The following TBL1XR1 variants were observed in gnomAD, a reference collection of about 807,000 sequenced individuals.
TBL1XR1 encodes TBL1X/Y related 1.
In TBL1XR1, 5 loss-of-function variants were observed where a neutral mutation model predicts 66.9. The observed-to-expected ratio is 0.07, with a 90% CI of 0.04 to 0.16. The LOEUF (loss-of-function observed/expected upper bound fraction) is 0.16. Among genes scored for constraint, TBL1XR1 ranks in the 10% least tolerant of loss-of-function variants. The probability of loss-of-function intolerance (pLI) is 1.00; values close to 1 mark genes in which losing one functional copy is unlikely to be tolerated. For synonymous variants in TBL1XR1, 210 were observed against 206.0 expected, an observed-to-expected ratio of 1.02 and a Z score of -0.17; for missense variants, 238 against 623.2, an observed-to-expected ratio of 0.38 and a Z score of 6.58.
intron 1 of TBL1XR1, among the ~76,000 whole-genome samples, chr3:177,187,390 C>CA (rs57592940): frequency 0.12 from 8,465 of 68,160 alleles, 803 homozygotes; most frequent in East Asian, 0.56. Context: ...GACTCTATCT[C>CA]AAAAAAAAAA....
At chr3:177,050,381 A>T (rs1186219449) in intron 6 of TBL1XR1, 97 bp downstream of exon 6, 2 of 1,452,048 alleles carry the variant, frequency 1.4e-6, no homozygotes, top group East Asian at 2.5e-5. Context: ...AAATGGCCAC[A>T]ACTAAGCAAC....
At chr3:177,138,369 A>C (rs2108810768) in intron 1 of TBL1XR1, among the ~76,000 whole-genome samples, 1 of 152,150 alleles carries the variant, frequency 6.6e-6, no homozygotes, top group East Asian at 1.9e-4. Flanking sequence ...CCGAGGTGGG[A>C]GAACTGATTG....
chr3:177,025,841 T>A, intron 15 of TBL1XR1: 2 of 359,020 alleles, frequency 5.6e-6, no homozygotes, highest in Non-Finnish European at 1.0e-5. Flanking sequence ...ATGAAAGATA[T>A]CACAGATTAT....
intron 1 of TBL1XR1, among the ~76,000 whole-genome samples, chr3:177,173,670 GAA>G (rs1733826859): frequency 6.6e-6 from 1 of 151,938 alleles, no homozygotes; most frequent in African/African-American, 2.4e-5. Context: ...TATTGGAACA[GAA>G]AAAAAGACAT....
chr3:177,085,927 G>A (rs1417645867), intron 2 of TBL1XR1, among the ~76,000 whole-genome samples: 1 of 151,996 alleles, frequency 6.6e-6, no homozygotes, highest in African/African-American at 2.4e-5. Context: ...ATGAGATAAT[G>A]GTTCAATTCT....
chr3:177,049,997 A>G lies in TBL1XR1; in HGVS notation c.702T>C (p.Asn234=). 2.5e-6 allele frequency: 4 copies of G among 1,613,330 alleles called. No homozygotes were observed. The highest frequency in any genetic ancestry group is 2.5e-6 in the Non-Finnish European group (3 of 1,179,680). Residue 234 remains asparagine (N), a splice_region_variant and synonymous_variant, in exon 7 of 16, where the codon AAT becomes AAC. Transcript: ENST00000457928. ...CCATCATGGATATAGTGATACTCAC[A>G]TTCCAATCTAGAGATGTGACATCCT... ...SNKDVTSLDW[N]SEGTLLATGS...
chr3:177,166,640 G>T (rs546961356), intron 1 of TBL1XR1, among the ~76,000 whole-genome samples: 4 of 152,252 alleles, frequency 2.6e-5, no homozygotes, highest in Admixed American at 1.3e-4. Context: ...TGCCATGATT[G>T]TAAGTTTCCT....
chr3:177,149,183 G>A (rs2108846358), intron 1 of TBL1XR1, among the ~76,000 whole-genome samples: 1 of 152,294 alleles, frequency 6.6e-6, no homozygotes, highest in East Asian at 1.9e-4. Context: ...CGGAGTACCT[G>A]TCAATGGAAC....
chr3:177,142,065 A>G (rs1293880295), intron 1 of TBL1XR1, among the ~76,000 whole-genome samples: 1 of 152,240 alleles, frequency 6.6e-6, no homozygotes, highest in Non-Finnish European at 1.5e-5. Flanking sequence ...AATGAGAAGA[A>G]GTTGCTTAAT....
chr3:177,041,594 G>A (rs1019320191), intron 10 of TBL1XR1, among the ~76,000 whole-genome samples: 9 of 152,240 alleles, frequency 5.9e-5, no homozygotes, highest in South Asian at 2.1e-4. Context: ...AACTTTATCC[G>A]CATGATGTGT....
At chr3:177,117,964 G>A (rs1211385614) in intron 1 of TBL1XR1, among the ~76,000 whole-genome samples, 1 of 152,188 alleles carries the variant, frequency 6.6e-6, no homozygotes, top group Non-Finnish European at 1.5e-5. Flanking sequence ...CAGAAACCAG[G>A]AGTCTATCGT....
intron 1 of TBL1XR1, among the ~76,000 whole-genome samples, chr3:177,112,024 G>C (rs996618201): frequency 1.7e-5 from 2 of 116,740 alleles, no homozygotes; most frequent in East Asian, 5.4e-4. Context: ...AAACGAAGAA[G>C]AAAATATCTC....
At chr3:177,099,707 G>C (rs993288499) in intron 1 of TBL1XR1, among the ~76,000 whole-genome samples, 1 of 152,210 alleles carries the variant, frequency 6.6e-6, no homozygotes, top group Non-Finnish European at 1.5e-5. Flanking sequence ...CACAGACTGA[G>C]GAAATGTTCT....
intron 1 of TBL1XR1, among the ~76,000 whole-genome samples, chr3:177,160,635 C>A (rs1010105263): frequency 6.6e-6 from 1 of 152,020 alleles, no homozygotes; most frequent in Non-Finnish European, 1.5e-5. Flanking sequence ...TCTTTTTCTT[C>A]AAGCTCTCGA....
intron 1 of TBL1XR1, among the ~76,000 whole-genome samples, chr3:177,133,578 C>A (rs980234773): frequency 1.3e-5 from 2 of 152,132 alleles, no homozygotes; most frequent in Admixed American, 6.5e-5. Context: ...TGTTATTCTA[C>A]ATAATAATAT....
Position 177,023,196 on chromosome 3 carries a change from TCTGA to T in TBL1XR1, c.*2298_*2301del, listed in dbSNP as rs1712617649. ...TACAAAAGTACTATCAATAATCACC[TCTGA>T]CTTTCAGATTTAAATTCAGTGCAAT... is the stretch of plus-strand genomic sequence containing the variant. On this transcript the variant is annotated 3_prime_UTR_variant, in exon 16 of 16. Coordinates refer to ENST00000457928, the MANE Select transcript of TBL1XR1 (RefSeq NM_024665.7). The T allele has an allele frequency of 6.6e-6, 1 of 152,626 alleles. No individual in the cohort carries two copies. The highest frequency in any genetic ancestry group is 1.9e-4 in the East Asian group (1 of 5,188). 9.5% of individuals were successfully genotyped at this position (152,626 alleles called of 1,614,324 possible).
intron 1 of TBL1XR1, among the ~76,000 whole-genome samples, chr3:177,187,252 T>C (rs748135132): frequency 4.3e-4 from 61 of 141,352 alleles, no homozygotes; most frequent in Non-Finnish European, 8.0e-4. Flanking sequence ...AAATTAGCCA[T>C]GTGTGGTGGC....
chr3:177,152,479 G>A (rs1180493355), intron 1 of TBL1XR1, among the ~76,000 whole-genome samples: 2 of 152,100 alleles, frequency 1.3e-5, no homozygotes, highest in East Asian at 3.9e-4. Context: ...TAGAGATGGG[G>A]TTTCGCCATT....
At chr3:177,107,211 A>C (rs923347422) in intron 1 of TBL1XR1, among the ~76,000 whole-genome samples, 1 of 152,162 alleles carries the variant, frequency 6.6e-6, no homozygotes, top group Admixed American at 6.5e-5. Flanking sequence ...ATTAAACTAG[A>C]TATTAGGTTC....
Sources: allele counts gnomAD v4.1 joint callset (sites outside exome capture counted in the v4.1 genomes callset), GRCh38; gene constraint gnomAD v4.1.1; transcripts MANE v1.5; gene names NCBI Gene and HGNC (gene_info 2026-07-23, HGNC 2026-07-21).